MVB12A: variants seen among roughly 807,000 people sequenced by gnomAD.
MVB12A encodes CIN85/CD2AP family binding protein.
Under a neutral mutation model 34.3 loss-of-function variants are expected in MVB12A, and 30 were observed. That is an observed-to-expected ratio of 0.88 (90% CI 0.65 to 1.19). MVB12A has a LOEUF of 1.19. Among genes scored for constraint, MVB12A ranks in the 50% most tolerant of loss-of-function variants. The pLI, the probability that MVB12A is intolerant of heterozygous loss-of-function variation, is 0.00. For missense variants in MVB12A, 355 were observed against 369.2 expected, an observed-to-expected ratio of 0.96 and a Z score of 0.31; for synonymous variants, 158 against 158.9, an observed-to-expected ratio of 0.99 and a Z score of 0.04.
chr19:17,407,357 C>A (rs965209861), intron 2 of MVB12A, among the ~76,000 whole-genome samples: 2 of 152,112 alleles, frequency 1.3e-5, no homozygotes, highest in African/African-American at 4.8e-5. Flanking sequence ...GCCCGGGGGA[C>A]CACTACCAGC....
rs2074862741 is a variant in MVB12A at position 17,425,052 on chromosome 19, A to C, written c.*59A>C. On this transcript the variant is annotated 3_prime_UTR_variant, in exon 9 of 9. Coordinates refer to ENST00000317040, the MANE Select transcript of MVB12A (RefSeq NM_138401.4). ...TCCACCTCCCCGCCAGCCTGGGGCC[A>C]CCCCCCCTCACTGCATCCTGGGGCC... 6.2e-6 allele frequency: 5 copies of C among 804,954 alleles called. No homozygotes were observed. The highest frequency in any genetic ancestry group is 8.0e-6 in the Non-Finnish European group (4 of 501,944). The allele number at this position is 804,954 out of a possible 1,614,324, so 49.9% of individuals were successfully genotyped here.
intron 4 of MVB12A, 51 bp downstream of exon 4, chr19:17,422,509 G>A: frequency 1.3e-6 from 2 of 1,553,000 alleles, no homozygotes; most frequent in South Asian, 1.2e-5. Context: ...CCCAACTCAT[G>A]ATCTCACCAA....
At chr19:17,411,963 C>G (rs775098900) in intron 2 of MVB12A, among the ~76,000 whole-genome samples, 2 of 152,184 alleles carry the variant, frequency 1.3e-5, no homozygotes, top group South Asian at 4.1e-4. Context: ...GGCCCCAGGG[C>G]GCTCAGCGGG....
intron 2 of MVB12A, among the ~76,000 whole-genome samples, chr19:17,409,187 G>A (rs2074747842): frequency 6.7e-6 from 1 of 148,864 alleles, no homozygotes; most frequent in Non-Finnish European, 1.5e-5. Context: ...CTGGAGTGCA[G>A]TGGTGTAATC....
chr19:17,415,530 T>A (rs556107068), upstream of MVB12A: 11 of 152,388 alleles, frequency 7.2e-5, no homozygotes, highest in Admixed American at 1.3e-4. Context: ...ACCATTTGTC[T>A]TTTAAATTGT....
intron 2 of MVB12A, among the ~76,000 whole-genome samples, chr19:17,406,802 C>A (rs1351245119): frequency 6.6e-6 from 1 of 152,084 alleles, no homozygotes; most frequent in Non-Finnish European, 1.5e-5. Context: ...AGAGTGGGAT[C>A]CCATCTCTTA....
rs771549095 is a variant in MVB12A, at chr19:17,424,616, G to A, written c.703-5G>A. On this transcript the variant is annotated splice_polypyrimidine_tract_variant and splice_region_variant and intron_variant, in intron 7 of 8. Transcript: ENST00000317040. ...GCCCAAGGCTGACCCACCTCTGCCCGCCAGGCCTTCTCTGCTTTTGGGGAC... is the reference window on the plus strand; with the variant it reads ...GCCCAAGGCTGACCCACCTCTGCCCACCAGGCCTTCTCTGCTTTTGGGGAC... 3.4e-5 allele frequency: 54 copies of A among 1,611,228 alleles called. 1 individual carries two copies. Among genetic ancestry groups the A allele is most frequent in the Non-Finnish European group, 4.0e-5 (47 of 1,178,782 alleles).
exon 2 of MVB12A, chr19:17,406,137 T>C (rs553566539): frequency 6.6e-6 from 1 of 152,144 alleles, no homozygotes; most frequent in Non-Finnish European, 1.5e-5. Context: ...GAGGGGACTA[T>C]GGGAGACATG....
rs966138322 is a variant in MVB12A at position 17,423,481 on chromosome 19, C to T, written c.414-17C>T. On this transcript the variant is annotated splice_polypyrimidine_tract_variant and intron_variant, in intron 4 of 8. Coordinates refer to ENST00000317040, the MANE Select transcript of MVB12A (RefSeq NM_138401.4). The stretch of plus-strand genomic sequence containing the variant: ...CACACCGGGCCAGCATCCCTCCCAC[C>T]TTCCCTCCTGGTCCAGGGACATGGG... 1 of 1,610,102 alleles carries T rather than the reference C, an allele frequency of 6.2e-7. No homozygotes were observed.
chr19:17,410,171 C>CT (rs1317992898), intron 2 of MVB12A, among the ~76,000 whole-genome samples: 5 of 151,810 alleles, frequency 3.3e-5, no homozygotes, highest in African/African-American at 7.3e-5. Flanking sequence ...CATTCTTTTT[C>CT]TTTTTTTATT....
At chr19:17,410,784 C>T (rs2145752427) in intron 2 of MVB12A, among the ~76,000 whole-genome samples, 1 of 144,920 alleles carries the variant, frequency 6.9e-6, no homozygotes, top group East Asian at 2.1e-4. Context: ...CAAAAACTAG[C>T]CAGGCGTAGT....
chr19:17,410,529 T>TACACACACACACACACACACACACACAC (rs1185077317), intron 2 of MVB12A, among the ~76,000 whole-genome samples: 24 of 74,366 alleles, frequency 3.2e-4, no homozygotes, highest in South Asian at 1.7e-3. Flanking sequence ...TATATATATA[T>TACACACACACACACACACACACACACAC]ACACACACAC....
Position 17,420,112 on chromosome 19 carries a change from C to G in MVB12A, c.-24C>G. On this transcript the variant is annotated 5_prime_UTR_variant, in exon 1 of 9. Transcript: ENST00000317040. ...GGTTCGAGGCTGTGCCCCGCGACCC[C>G]GCCTTCGGCGCTCGGCTCGCAGGAT... is the stretch of plus-strand genomic sequence containing the variant. The G allele has an allele frequency of 1.5e-6, 2 of 1,329,306 alleles. No homozygotes were observed. The highest frequency in any genetic ancestry group is 1.9e-6 in the Non-Finnish European group (2 of 1,044,612). 82.3% of individuals were successfully genotyped at this position (1,329,306 alleles called of 1,614,324 possible). A position where few individuals can be genotyped will look rare whatever the true frequency, so the allele number is the denominator to read the frequency against.
intron 2 of MVB12A, among the ~76,000 whole-genome samples, chr19:17,411,365 A>G (rs1380894379): frequency 6.6e-6 from 1 of 150,510 alleles, no homozygotes; most frequent in African/African-American, 2.5e-5. Context: ...TCTTTTATTT[A>G]TTTATTAAAG....
intron 2 of MVB12A, among the ~76,000 whole-genome samples, chr19:17,412,855 T>C (rs956973933): frequency 1.3e-5 from 2 of 152,200 alleles, no homozygotes; most frequent in African/African-American, 2.4e-5. Context: ...TGTCATCCTG[T>C]CTTTGTTTTG....
intron 2 of MVB12A, among the ~76,000 whole-genome samples, chr19:17,413,812 T>C (rs1246468699): frequency 6.6e-6 from 1 of 152,206 alleles, no homozygotes; most frequent in Non-Finnish European, 1.5e-5. Flanking sequence ...AAGCAATATA[T>C]AGAAAGTGCT....
At chr19:17,421,482 C>G (rs184612444) in intron 3 of MVB12A, among the ~76,000 whole-genome samples, 74 of 152,014 alleles carry the variant, frequency 4.9e-4, no homozygotes, top group African/African-American at 1.8e-3. Context: ...CCGCACCCGG[C>G]CAAACTTTTT....
chr19:17,422,698 C>T (rs2074845875), intron 4 of MVB12A: 1 of 260,824 alleles, frequency 3.8e-6, no homozygotes, highest in South Asian at 1.3e-4. Flanking sequence ...CGCCTGTAAT[C>T]CCAGCACTTT....
chr19:17,420,937 C>T (rs1487272286), intron 3 of MVB12A: 3 of 607,450 alleles, frequency 4.9e-6, no homozygotes, highest in Non-Finnish European at 9.2e-6. Context: ...AAAACCACTG[C>T]GCAGTTTTCT....
Sources: gnomAD v4.1 joint callset for allele counts (sites outside exome capture counted in the v4.1 genomes callset) on GRCh38, gnomAD v4.1.1 for gene constraint, MANE v1.5 for transcripts, NCBI Gene and HGNC (gene_info 2026-07-23, HGNC 2026-07-21) for gene names.